Variants in PCDHGB5 observed in about 807,000 individuals in gnomAD.
The protein encoded by PCDHGB5 is protocadherin gamma subfamily B, 5.
Under a neutral mutation model 62.9 loss-of-function variants are expected in PCDHGB5, and 48 were observed. That is an observed-to-expected ratio of 0.76 (90% confidence interval 0.61 to 0.97). The LOEUF is 0.97. Ranked by LOEUF, PCDHGB5 falls within the 50% of genes least tolerant of loss-of-function variation. The probability of loss-of-function intolerance (pLI) is 0.00; values close to 1 mark genes in which losing one functional copy is unlikely to be tolerated. For synonymous variants in PCDHGB5, 474 were observed against 511.2 expected, an observed-to-expected ratio of 0.93 and a Z score of 0.98; for missense variants, 1,118 against 1,198.6, an observed-to-expected ratio of 0.93 and a Z score of 0.99.
At chr5:141,494,190 G>GAGAA (rs2099752701) in intron 1 of PCDHGB5, among the ~76,000 whole-genome samples, 1 of 152,186 alleles carries the variant, frequency 6.6e-6, no homozygotes, top group Non-Finnish European at 1.5e-5. Flanking sequence ...CCCGGGACTT[G>GAGAA]GATGCCCCGC....
intron 1 of PCDHGB5, among the ~76,000 whole-genome samples, chr5:141,449,589 A>G (rs1196329432): frequency 7.6e-6 from 1 of 131,966 alleles, no homozygotes; most frequent in Non-Finnish European, 1.7e-5. Context: ...ACTCTGTCTC[A>G]AAAAAAAAAA....
At chr5:141,482,544 A>AAAC (rs1041838777) in intron 1 of PCDHGB5, among the ~76,000 whole-genome samples, 4 of 151,844 alleles carry the variant, frequency 2.6e-5, no homozygotes, top group Non-Finnish European at 4.4e-5. Context: ...AAAAAAAAAA[A>AAAC]AAAAAGATAA....
intron 1 of PCDHGB5, chr5:141,422,952 C>A (rs759618535): frequency 6.2e-7 from 1 of 1,614,254 alleles, no homozygotes; most frequent in Non-Finnish European, 8.5e-7. Context: ...GCTCCACTGG[C>A]GTGGAGCTGG....
chr5:141,429,105 C>A (rs936114624), intron 1 of PCDHGB5: 2 of 152,318 alleles, frequency 1.3e-5, no homozygotes, highest in African/African-American at 4.8e-5. Flanking sequence ...CTGCCCGCCT[C>A]GGCCTCCCAA....
Position 141,407,988 on chromosome 5 carries a change from C to T in PCDHGB5, c.2397+7464C>T, listed in dbSNP as rs923527525. 1.3e-4 allele frequency: 104 copies of T among 827,076 alleles called. 1 individual carries two copies. The highest frequency in any genetic ancestry group is 3.7e-4 in the Middle Eastern group (1 of 2,684). 51.2% of individuals were successfully genotyped at this position (827,076 alleles called of 1,614,324 possible). ...GCGCTGACGCCGGGGATCCGTCAGC[C>T]TCTGGCCTGGGATTCCCTGCGCAGC... On this transcript the variant is annotated intron_variant, in intron 1 of 3. Transcript: ENST00000617380.
chr5:141,447,257 A>G (rs1182682161), intron 1 of PCDHGB5, among the ~76,000 whole-genome samples: 1 of 152,080 alleles, frequency 6.6e-6, no homozygotes, highest in Non-Finnish European at 1.5e-5. Flanking sequence ...CTTCTGTCTC[A>G]GCCTCCCAAG....
intron 1 of PCDHGB5, among the ~76,000 whole-genome samples, chr5:141,448,196 A>G (rs753761675): frequency 1.3e-5 from 2 of 152,176 alleles, no homozygotes; most frequent in Non-Finnish European, 2.9e-5. Context: ...TACACTTACA[A>G]ACATTTTCTG....
chr5:141,426,559 C>T (rs1401963895), intron 1 of PCDHGB5: 1 of 353,038 alleles, frequency 2.8e-6, no homozygotes, highest in Non-Finnish European at 5.6e-6. Context: ...CAGAATAGAT[C>T]GAGAGTCACT....
chr5:141,450,450 C>T (rs964666176), intron 1 of PCDHGB5, among the ~76,000 whole-genome samples: 5 of 151,996 alleles, frequency 3.3e-5, no homozygotes, highest in African/African-American at 9.7e-5. Context: ...TTTTATGTTT[C>T]CTCGTGATTT....
rs2093886414 is a variant in PCDHGB5 at position 141,399,784 on chromosome 5, G to C, written c.1657G>C (p.Asp553His). The change falls in exon 1 of 4, where the codon GAC becomes CAC. Residue 553 changes from aspartate (D) to histidine (H), a missense_variant. Asp to His is a moderately conservative substitution (Grantham distance 81, BLOSUM62 -1). Transcript: ENST00000617380. ...SLRVLVGDRN[D>H]NAPRVLYPAL... ...GCGCGTGTTGGTGGGCGACCGAAAC[G>C]ACAACGCACCGCGGGTGCTGTACCC... The C allele has an allele frequency of 2.5e-6, 4 of 1,613,288 alleles. No homozygotes were observed. The East Asian group carries it at 6.7e-5, about 27-fold the overall frequency.
In PCDHGB5 at chr5:141,409,944, C is replaced by T. The variant is rs779095634; in HGVS notation, c.2397+9420C>T. The T allele has an allele frequency of 6.2e-7, 1 of 1,613,302 alleles. No individual in the cohort carries two copies. The highest frequency in any genetic ancestry group is 1.7e-5 in the Admixed American group (1 of 60,024). On this transcript the variant is annotated intron_variant, in intron 1 of 3. Transcript: ENST00000617380. ...GCGTTCTTCGATATGGTACCTCGCTCTGCAGAGCCCGGCTACCTAGTGACT... is the reference window on the plus strand; with the variant it reads ...GCGTTCTTCGATATGGTACCTCGCTTTGCAGAGCCCGGCTACCTAGTGACT...
chr5:141,478,116 C>T (rs145816520), intron 1 of PCDHGB5: 1 of 1,613,974 alleles, frequency 6.2e-7, no homozygotes, highest in Non-Finnish European at 8.5e-7. Flanking sequence ...GTGTCAGTAA[C>T]CGAGGACTCT....
chr5:141,464,973 TTC>T (rs2154568681), intron 1 of PCDHGB5, among the ~76,000 whole-genome samples: 1 of 152,092 alleles, frequency 6.6e-6, no homozygotes, highest in East Asian at 1.9e-4. Flanking sequence ...AACTACTGGC[TTC>T]AAGTGATCCT....
rs1205353926 is a variant in PCDHGB5 at position 141,477,969 on chromosome 5, T to A, written c.2398-16838T>A. 6.2e-7 allele frequency: 1 copy of A among 1,613,962 alleles called. No homozygotes were observed. Among genetic ancestry groups the A allele is most frequent in the Non-Finnish European group, 8.5e-7 (1 of 1,180,032 alleles). ...CTCTTGGGATCCCCTAACCAGAGCC[T>A]TTTTGCCATAGGGCTGCACACTGGT... On this transcript the variant is annotated intron_variant, in intron 1 of 3. Coordinates refer to ENST00000617380, the MANE Select transcript of PCDHGB5 (RefSeq NM_018925.3). The surrounding 1 kb of genome is among the most constrained non-coding windows in gnomAD (Gnocchi z 4.9).
rs775104626 is a variant in PCDHGB5, at chr5:141,486,636, C to T, written c.2398-8171C>T. On this transcript the variant is annotated intron_variant, in intron 1 of 3. Transcript: ENST00000617380. This position sits in a 1 kb window ranked among gnomAD's most constrained non-coding sequence, Gnocchi z 5.0. ...TCTGACCCAGACTCTGGCTTGAATG[C>T]GCTTATCTCCTACTCACTCCTGGAG... 7 of 1,613,540 alleles carry T rather than the reference C, an allele frequency of 4.3e-6. No individual in the cohort carries two copies. The highest frequency in any genetic ancestry group is 1.3e-5 in the African/African-American group (1 of 74,926).
In PCDHGB5 at chr5:141,511,979, T is replaced by C. The variant is rs1205375941; in HGVS notation, c.*806T>C. ...AGGAAGGGAAGTGTGTGGATGTGGA[T>C]GGTGGGGGCATGGACAAAGCTTGAC... On this transcript the variant is annotated 3_prime_UTR_variant, in exon 4 of 4. Transcript: ENST00000617380. The C allele has an allele frequency of 6.5e-5, 10 of 153,278 alleles. No individual in the cohort carries two copies. The highest frequency in any genetic ancestry group is 1.5e-4 in the Non-Finnish European group (10 of 68,568). The allele number at this position is 153,278 out of a possible 1,614,324, so 9.5% of individuals were successfully genotyped here.
intron 1 of PCDHGB5, chr5:141,417,232 G>A (rs997894028): frequency 6.6e-6 from 1 of 152,072 alleles, no homozygotes; most frequent in Admixed American, 6.6e-5. Context: ...AAAATTTGTT[G>A]CTTATCTTCA....
chr5:141,399,643 C>G lies in PCDHGB5; in HGVS notation c.1516C>G (p.Gln506Glu), dbSNP rs776980167. Residue 506 changes from glutamine (Q) to glutamate (E), a missense_variant, in exon 1 of 4, where the codon CAA (glutamine) becomes GAA (glutamate). By Grantham distance (29) the Gln-to-Glu change is conservative. Transcript: ENST00000617380. ...ALASYVSMSAQSGVVFAQRAF... is the reference protein window; with the variant it reads ...ALASYVSMSAESGVVFAQRAF... The stretch of plus-strand genomic sequence containing the variant: ...GGCCTCTTACGTGTCCATGAGCGCG[C>G]AAAGTGGGGTGGTGTTCGCGCAGCG... 133 of 1,613,714 alleles carry G rather than the reference C, an allele frequency of 8.2e-5. No individual in the cohort carries two copies. Among genetic ancestry groups the G allele is most frequent in the Non-Finnish European group, 1.1e-4 (126 of 1,179,890 alleles).
chr5:141,460,981 GTGTATATATA>G (rs1332002052), intron 1 of PCDHGB5, among the ~76,000 whole-genome samples: 6 of 121,884 alleles, frequency 4.9e-5, no homozygotes, highest in Non-Finnish European at 1.0e-4. Flanking sequence ...GTGTGTGTGT[GTGTATATATA>G]TATATGTGTA....
Sources: allele counts gnomAD v4.1 joint callset (sites outside exome capture counted in the v4.1 genomes callset), GRCh38; gene constraint gnomAD v4.1.1; non-coding constraint Gnocchi (gnomAD v3.1); transcripts MANE v1.5; gene names NCBI Gene and HGNC (gene_info 2026-07-23, HGNC 2026-07-21).